CUBN: variants seen among roughly 807,000 people sequenced by gnomAD.
The protein encoded by CUBN is 460 kDa receptor.
In CUBN, 282 loss-of-function variants were observed where a neutral mutation model predicts 405.3. That is an observed-to-expected ratio of 0.70 (90% CI 0.63 to 0.77). The LOEUF (loss-of-function observed/expected upper bound fraction) is 0.77, where lower values mean the gene tolerates loss of function less well. Ranked by LOEUF, CUBN falls within the 30% of genes least tolerant of loss-of-function variation. The pLI is 0.00. For missense variants in CUBN, 4,514 were observed against 4,475.2 expected, an observed-to-expected ratio of 1.01 and a Z score of -0.25; for synonymous variants, 1,684 against 1,617.0, an observed-to-expected ratio of 1.04 and a Z score of -0.99.
intron 56 of CUBN, among the ~76,000 whole-genome samples, chr10:16,882,426 C>A (rs1165901563): frequency 6.6e-6 from 1 of 152,166 alleles, no homozygotes; most frequent in Non-Finnish European, 1.5e-5. Flanking sequence ...GGCTCTATAC[C>A]ATGCAGTAAA....
At chr10:16,897,111 A>G (rs889467772) in intron 54 of CUBN, among the ~76,000 whole-genome samples, 49 of 152,316 alleles carry the variant, frequency 3.2e-4, no homozygotes, top group African/African-American at 1.1e-3. Flanking sequence ...CTACTTCAAC[A>G]TCCTTGTCAT....
intron 9 of CUBN, 46 bp downstream of exon 9, chr10:17,110,873 T>C: frequency 6.2e-7 from 1 of 1,613,662 alleles, no homozygotes; most frequent in Non-Finnish European, 8.5e-7. Context: ...TATGTCTGTG[T>C]TCCCTGTGCT....
intron 43 of CUBN, among the ~76,000 whole-genome samples, chr10:16,922,847 CTT>C (rs74700842): frequency 5.0e-5 from 7 of 140,110 alleles, no homozygotes; most frequent in East Asian, 2.1e-4. Context: ...ATACCATGTT[CTT>C]TTTTTTTTTT....
At chr10:16,990,692 G>T (rs1341725942) in intron 28 of CUBN, among the ~76,000 whole-genome samples, 177 bp from the exon 29 acceptor site, 1 of 152,104 alleles carries the variant, frequency 6.6e-6, no homozygotes, top group African/African-American at 2.4e-5. Context: ...AAAAAATCAT[G>T]GCTACAACTT....
At chr10:17,027,640 T>C (rs1303803954) in intron 27 of CUBN, among the ~76,000 whole-genome samples, 1 of 152,210 alleles carries the variant, frequency 6.6e-6, no homozygotes, top group Non-Finnish European at 1.5e-5. Context: ...GCATTAGTAA[T>C]GCTTCTCCAA....
intron 4 of CUBN, 81 bp from the exon 5 acceptor site, chr10:17,123,770 C>T (rs1837101285): frequency 1.1e-6 from 1 of 898,820 alleles, no homozygotes; most frequent in Admixed American, 1.9e-5. Flanking sequence ...CGTGGGATTA[C>T]ATTTAACTCT....
At chr10:16,932,157 T>C (rs2063844139) in intron 40 of CUBN, among the ~76,000 whole-genome samples, 1 of 152,220 alleles carries the variant, frequency 6.6e-6, no homozygotes, top group South Asian at 2.1e-4. Flanking sequence ...TACTTAGTGT[T>C]CTGCCTCTAC....
chr10:17,080,291 A>T (rs1835939009), intron 17 of CUBN, among the ~76,000 whole-genome samples: 1 of 152,152 alleles, frequency 6.6e-6, no homozygotes, highest in South Asian at 2.1e-4. Flanking sequence ...GAGATGTACA[A>T]TTTCTGCTTT....
At position 16,824,708 on chromosome 10, in the gene CUBN, T is replaced by A. The variant is rs1203238498; in HGVS notation, c.*267A>T. 2 of 386,992 alleles carry A rather than the reference T, an allele frequency of 5.2e-6. No individual in the cohort carries two copies. The highest frequency in any genetic ancestry group is 1.2e-4 in the East Asian group (2 of 16,090). The allele number at this position is 386,992 out of a possible 1,614,324, so 24.0% of individuals were successfully genotyped here. On this transcript the variant is annotated 3_prime_UTR_variant, in exon 67 of 67. Transcript: ENST00000377833. The stretch of plus-strand genomic sequence containing the variant: ...GCTAATTATTATATTGTTAGAGAGA[T>A]GAGGTTTCACCATGCTGGCCAGGCT...
intron 11 of CUBN, 42 bp downstream of exon 11, chr10:17,105,415 T>G (rs757424694): frequency 2.7e-6 from 3 of 1,117,862 alleles, no homozygotes; most frequent in Admixed American, 1.7e-5. Flanking sequence ...GTGAAACTAA[T>G]TCTCAGGTAC....
chr10:16,969,361 A>C (rs1005772280), intron 31 of CUBN, among the ~76,000 whole-genome samples: 7 of 148,380 alleles, frequency 4.7e-5, no homozygotes, highest in Non-Finnish European at 8.9e-5. Flanking sequence ...TTACTGCTCC[A>C]TTTTTTTTTT....
chr10:16,869,809 T>A lies in CUBN; in HGVS notation c.9281A>T (p.Asp3094Val). The A allele has an allele frequency of 6.2e-7, 1 of 1,614,116 alleles. No homozygotes were observed. The highest frequency in any genetic ancestry group is 8.5e-7 in the Non-Finnish European group (1 of 1,179,974). ...DVVPSTSCSH[D>V]YLAIYDGANT... ...GGCACCATCGTAAATTGCCAGGTAG[T>A]CATGGGAGCAGGAGGTGGAGGGAAC... Residue 3094 changes from aspartate to valine, a missense_variant, in exon 59 of 67, where the codon GAC becomes GTC. Coordinates refer to ENST00000377833, the MANE Select transcript of CUBN (RefSeq NM_001081.4).
intron 22 of CUBN, among the ~76,000 whole-genome samples, chr10:17,054,811 T>C (rs530243036): frequency 1.3e-5 from 2 of 152,180 alleles, no homozygotes; most frequent in African/African-American, 4.8e-5. Flanking sequence ...ATTAAATTTG[T>C]AATATAAAAC....
intron 28 of CUBN, among the ~76,000 whole-genome samples, chr10:16,991,871 C>G (rs1289344649): frequency 2.6e-5 from 4 of 152,096 alleles, no homozygotes; most frequent in Non-Finnish European, 5.9e-5. Flanking sequence ...TACCATTTGA[C>G]CCAGCCATCC....
At chr10:17,094,570 T>C (rs186948974) in intron 14 of CUBN, among the ~76,000 whole-genome samples, 7 of 152,104 alleles carry the variant, frequency 4.6e-5, no homozygotes, top group Non-Finnish European at 7.4e-5. Flanking sequence ...TTACAGGATA[T>C]AAAATCAACA....
intron 22 of CUBN, among the ~76,000 whole-genome samples, chr10:17,057,786 T>C (rs1194452417): frequency 1.3e-5 from 2 of 151,862 alleles, no homozygotes; most frequent in East Asian, 1.9e-4. Flanking sequence ...AAAAAACACA[T>C]GAATACAGCA....
intron 31 of CUBN, among the ~76,000 whole-genome samples, chr10:16,972,489 G>A (rs944811514): frequency 6.6e-6 from 1 of 150,728 alleles, no homozygotes; most frequent in African/African-American, 2.4e-5. Context: ...CCAGGCTGGA[G>A]TACAGTGGTG....
At position 17,124,916 on chromosome 10, in the gene CUBN, C is replaced by G. The variant is rs545334901; in HGVS notation, c.388-1227G>C. Reference sequence around the variant, plus strand: ...GTATGATCTCAGCTCACTGCAACCTCCACCTCTTGGGTTGAAGCGATTCTC... The same window carrying G: ...GTATGATCTCAGCTCACTGCAACCTGCACCTCTTGGGTTGAAGCGATTCTC... On this transcript the variant is annotated intron_variant, in intron 4 of 66. Transcript: ENST00000377833. 2.8e-4 allele frequency among the ~76,000 whole-genome samples: 43 copies of G among 152,004 alleles called. 3 individuals carry two copies. The South Asian group carries it at 8.6e-3, about 30-fold the overall frequency.
intron 22 of CUBN, among the ~76,000 whole-genome samples, chr10:17,050,050 A>C (rs1489506874): frequency 6.6e-6 from 1 of 152,066 alleles, no homozygotes; most frequent in African/African-American, 2.4e-5. Flanking sequence ...ACATGCATCT[A>C]AGTTCCTCCC....
Sources: gnomAD v4.1 joint callset for allele counts (sites outside exome capture counted in the v4.1 genomes callset) on GRCh38, gnomAD v4.1.1 for gene constraint, MANE v1.5 for transcripts, NCBI Gene and HGNC (gene_info 2026-07-23, HGNC 2026-07-21) for gene names.